PACS1: variants seen among roughly 807,000 people sequenced by gnomAD.
The protein encoded by PACS1 is PACS-1.
In PACS1, 24 loss-of-function variants were observed where a neutral mutation model predicts 115.0. That is an observed-to-expected ratio of 0.21 (90% CI 0.15 to 0.29). The LOEUF is 0.29. Among genes scored for constraint, PACS1 ranks in the 10% least tolerant of loss-of-function variants. PACS1 has a pLI of 1.00. For synonymous variants in PACS1, 453 were observed against 504.5 expected, an observed-to-expected ratio of 0.90 and a Z score of 1.37; for missense variants, 838 against 1,251.2, an observed-to-expected ratio of 0.67 and a Z score of 4.98.
rs1250858332 is a variant in PACS1 at position 66,242,975 on chromosome 11, T to C, written c.2720T>C (p.Ile907Thr). The change falls in exon 23 of 24, where the codon ATT (isoleucine) becomes ACT (threonine). Residue 907 changes from isoleucine (I) to threonine (T), a missense_variant. Transcript: ENST00000320580. ...EKEVDSKSQVIEGISRLICSA... is the reference protein window; with the variant it reads ...EKEVDSKSQVTEGISRLICSA... ...GAGGTGGATTCTAAGAGCCAGGTCA[T>C]TGAAGGCATCAGCCGCCTCATCTGC... 3 of 1,613,646 alleles carry C rather than the reference T, an allele frequency of 1.9e-6. No homozygotes were observed. The highest frequency in any genetic ancestry group is 1.3e-5 in the African/African-American group (1 of 74,778).
chr11:66,096,452 A>C (rs1857783654), intron 1 of PACS1, among the ~76,000 whole-genome samples: 2 of 151,490 alleles, frequency 1.3e-5, no homozygotes, highest in Non-Finnish European at 2.9e-5. Context: ...CTGTTGATGG[A>C]CATATAGGTT....
chr11:66,135,587 CTG>C (rs1250792495), intron 1 of PACS1, among the ~76,000 whole-genome samples: 1 of 151,916 alleles, frequency 6.6e-6, no homozygotes, highest in African/African-American at 2.4e-5. Context: ...CCCAGACACA[CTG>C]TGCACAGGTT....
At chr11:66,106,119 T>G (rs1858033112) in intron 1 of PACS1, among the ~76,000 whole-genome samples, 1 of 152,176 alleles carries the variant, frequency 6.6e-6, no homozygotes, top group African/African-American at 2.4e-5. Flanking sequence ...CTCATTTCAC[T>G]TTCAGCCTGC....
intron 4 of PACS1, among the ~76,000 whole-genome samples, chr11:66,211,870 T>C (rs1373539753): frequency 2.0e-5 from 3 of 152,238 alleles, no homozygotes; most frequent in Non-Finnish European, 4.4e-5. Flanking sequence ...CGCATATCAC[T>C]GTGTCCTTCG....
intron 1 of PACS1, among the ~76,000 whole-genome samples, chr11:66,183,007 G>C (rs923547109): frequency 6.6e-6 from 1 of 152,098 alleles, no homozygotes; most frequent in Admixed American, 6.6e-5. Context: ...GTGTGCACCT[G>C]TGGTCCCAGC....
chr11:66,102,160 T>C (rs1172447125), intron 1 of PACS1, among the ~76,000 whole-genome samples: 2 of 152,074 alleles, frequency 1.3e-5, no homozygotes, highest in East Asian at 3.8e-4. Flanking sequence ...TAATAATTAG[T>C]TCAATTGAAT....
In PACS1 at chr11:66,235,484, T is replaced by C; in HGVS notation, c.2207+81T>C. ...TTGAGTCTTCCTTGCTTTCTCACAT[T>C]TTCCTTCTCCACATGCTATATTCCT... is the stretch of plus-strand genomic sequence containing the variant. On this transcript the variant is annotated intron_variant, in intron 18 of 23. Transcript: ENST00000320580. The surrounding 1 kb of genome is among the most constrained non-coding windows in gnomAD (Gnocchi z 5.6). 9.6e-7 allele frequency: 1 copy of C among 1,046,094 alleles called. No homozygotes were observed. Among genetic ancestry groups the C allele is most frequent in the South Asian group, 1.4e-5 (1 of 73,004 alleles). The allele number at this position is 1,046,094 out of a possible 1,614,324, so 64.8% of individuals were successfully genotyped here.
At chr11:66,083,792 A>G (rs1015715903) in intron 1 of PACS1, among the ~76,000 whole-genome samples, 2 of 152,270 alleles carry the variant, frequency 1.3e-5, no homozygotes, top group African/African-American at 4.8e-5. Context: ...GGAAAAAAAA[A>G]GCCAGCAAAT....
rs4393319 is a variant in PACS1 at position 66,234,407 on chromosome 11, A to T, written c.2104+165A>T. Among the ~76,000 whole-genome samples, 28,786 of 152,176 alleles carry T rather than the reference A, an allele frequency of 0.19. 2,847 individuals carry two copies. Among genetic ancestry groups the T allele is most frequent in the East Asian group, 0.27 (1,374 of 5,168 alleles). On this transcript the variant is annotated intron_variant, in intron 17 of 23. Coordinates refer to ENST00000320580, the MANE Select transcript of PACS1 (RefSeq NM_018026.4). ...ATAAGTGTTTATTAAGCGGAGGCTC[A>T]CTGTGCACAGCCCCTCCACTCTGCC...
At chr11:66,120,933 A>G in intron 1 of PACS1, 2 of 441,442 alleles carry the variant, frequency 4.5e-6, no homozygotes, top group Admixed American at 4.8e-5. Context: ...GTGCTTCCAC[A>G]GGGCCTGTGC....
At position 66,216,120 on chromosome 11, in the gene PACS1, T is replaced by C; in HGVS notation, c.662T>C (p.Val221Ala). Residue 221 changes from valine to alanine, a missense_variant and splice_region_variant, in exon 5 of 24, where the codon GTG becomes GCG. Transcript: ENST00000320580. Reference protein sequence around the residue: ...LAVGLINMAEVMQHPNEGALV... With the variant: ...LAVGLINMAEAMQHPNEGALV... ...TCCACCACCTCCCCTGGCTCCTAGG[T>C]GATGCAGCATCCTAATGAAGGCGCA... is the stretch of plus-strand genomic sequence containing the variant. 6 of 1,613,760 alleles carry C rather than the reference T, an allele frequency of 3.7e-6. No homozygotes were observed. Among genetic ancestry groups the C allele is most frequent in the Non-Finnish European group, 5.1e-6 (6 of 1,179,920 alleles).
rs58145434 is a variant in PACS1, at chr11:66,160,663, ATTTTTT to A, written c.357-32805_357-32800del. 3.0e-3 allele frequency among the ~76,000 whole-genome samples: 344 copies of A among 116,182 alleles called. 1 individual carries two copies. Among genetic ancestry groups the A allele is most frequent in the East Asian group, 4.8e-3 (19 of 3,948 alleles). 76.2% of individuals were successfully genotyped at this position (116,182 alleles called of 152,430 possible). ...AGGCATGTGCCACCATGCCTGGCTGATTTTTTTTTTTTTTTTTTTTTTTGGCAGGGG... is the reference window on the plus strand; with the variant it reads ...AGGCATGTGCCACCATGCCTGGCTGATTTTTTTTTTTTTTTTTGGCAGGGG... On this transcript the variant is annotated intron_variant, in intron 1 of 23. Transcript: ENST00000320580.
intron 1 of PACS1, among the ~76,000 whole-genome samples, chr11:66,159,200 G>T (rs1859432064): frequency 6.6e-6 from 1 of 152,170 alleles, no homozygotes; most frequent in African/African-American, 2.4e-5. Context: ...CACTTTGGGA[G>T]GCCAAGGCAG....
chr11:66,237,160 G>A (rs1190946), intron 19 of PACS1, among the ~76,000 whole-genome samples: 2,116 of 152,250 alleles, frequency 0.014, 40 homozygotes, highest in African/African-American at 0.048. Flanking sequence ...CTCGTGATCC[G>A]GCTGCCTTGG....
rs77079561 is a variant in PACS1 at position 66,236,482 on chromosome 11, C to G, written c.2250+542C>G. Among the ~76,000 whole-genome samples the G allele has an allele frequency of 0.017, 2,559 of 152,316 alleles. 73 individuals are homozygous for G. The highest frequency in any genetic ancestry group is 0.058 in the African/African-American group (2,429 of 41,558). ...GTTGGATAGGCCACTGAGAGGAAGG[C>G]TTTCTTCTTTCCTTTTCTATTTAAC... On this transcript the variant is annotated intron_variant, in intron 19 of 23. Coordinates refer to ENST00000320580, the MANE Select transcript of PACS1 (RefSeq NM_018026.4). This position sits in a 1 kb window ranked among gnomAD's most constrained non-coding sequence, Gnocchi z 4.2.
chr11:66,088,686 C>A (rs1167377430), intron 1 of PACS1, among the ~76,000 whole-genome samples: 1 of 152,168 alleles, frequency 6.6e-6, no homozygotes, highest in Non-Finnish European at 1.5e-5. Flanking sequence ...GTGTGTCTTC[C>A]CGCTTTGTGC....
chr11:66,139,618 C>G (rs1304811427), intron 1 of PACS1, among the ~76,000 whole-genome samples: 1 of 152,028 alleles, frequency 6.6e-6, no homozygotes, highest in East Asian at 1.9e-4. Flanking sequence ...CTTGCTGTGC[C>G]TGGCTTATTT....
Position 66,239,331 on chromosome 11 carries a change from C to T in PACS1, c.2429+54C>T, listed in dbSNP as rs117358087. ...CATGCCCTCCATCAGGCCCACCCGG[C>T]TGATTCCAGTGACAGGCGCATGGGC... On this transcript the variant is annotated intron_variant, in intron 21 of 23. Transcript: ENST00000320580. 792 of 1,565,984 alleles carry T rather than the reference C, an allele frequency of 5.1e-4. 5 individuals are homozygous for T. The East Asian group carries it at 0.016, about 32-fold the overall frequency.
intron 1 of PACS1, among the ~76,000 whole-genome samples, chr11:66,184,890 C>CT (rs1473807521): frequency 2.0e-5 from 3 of 152,324 alleles, no homozygotes; most frequent in South Asian, 2.1e-4. Flanking sequence ...TGGGAACACT[C>CT]TATCAGCGGT....
Sources: allele counts gnomAD v4.1 joint callset (sites outside exome capture counted in the v4.1 genomes callset), GRCh38; gene constraint gnomAD v4.1.1; non-coding constraint Gnocchi (gnomAD v3.1); transcripts MANE v1.5; gene names NCBI Gene and HGNC (gene_info 2026-07-23, HGNC 2026-07-21).